The following LTBP2 variants were observed in gnomAD, a reference collection of about 807,000 sequenced individuals.
LTBP2 encodes latent-transforming growth factor beta-binding protein 2.
In LTBP2, 103 loss-of-function variants were observed where a neutral mutation model predicts 210.6. That is an observed-to-expected ratio of 0.49 (90% CI 0.42 to 0.58). LTBP2 has a LOEUF of 0.58. LTBP2 is among the 20% of genes least tolerant of loss of function. The pLI, the probability that LTBP2 is intolerant of heterozygous loss-of-function variation, is 0.00. For synonymous variants in LTBP2, 1,007 were observed against 1,015.0 expected, an observed-to-expected ratio of 0.99 and a Z score of 0.15; for missense variants, 2,313 against 2,494.5, an observed-to-expected ratio of 0.93 and a Z score of 1.55.
intron 3 of LTBP2, among the ~76,000 whole-genome samples, chr14:74,585,060 AAC>A (rs1168714092): frequency 2.0e-5 from 3 of 152,236 alleles, no homozygotes; most frequent in Non-Finnish European, 4.4e-5. Context: ...CGAAAAGGAA[AAC>A]ACAGTCCCCT....
In LTBP2 at chr14:74,525,138, G is replaced by A. The variant is rs745324166; in HGVS notation, c.2516C>T (p.Thr839Ile). The A allele has an allele frequency of 4.5e-6, 6 of 1,331,346 alleles. No homozygotes were observed. In the East Asian group the frequency reaches 1.1e-4, roughly 25 times the overall value. The allele number at this position is 1,331,346 out of a possible 1,614,324, so 82.5% of individuals were successfully genotyped here. The change falls in exon 15 of 36, where the codon ACC (threonine) becomes ATC (isoleucine). Residue 839 changes from threonine (T) to isoleucine (I), a missense_variant. Thr to Ile is a moderately conservative substitution (Grantham distance 89). Transcript: ENST00000261978. ...QVTPSTDVLV[T>I]LSTPGIDRCA... ...GCTGCAGCTACCTGGGGTGCTCAGGGTCACCAGCACATCAGTGGAGGGGGT... is the reference window on the plus strand; with the variant it reads ...GCTGCAGCTACCTGGGGTGCTCAGGATCACCAGCACATCAGTGGAGGGGGT...
Position 74,528,996 on chromosome 14 carries a change from C to T in LTBP2, c.2114G>A (p.Trp705Ter). Residue 705 changes from tryptophan to a stop codon, truncating the protein, a stop_gained, in exon 11 of 36, where the codon TGG (tryptophan) becomes TAG (stop). Transcript: ENST00000261978. LOFTEE classifies it high-confidence loss of function. ...ICCCSRVGKAWGSECEKCPLP... is the reference protein window; with the variant it reads ...ICCCSRVGKA ...AGGGCATTTCTCACACTCGCTGCCCCATGCTTTGCCCACGCGGCTGCAGCA... is the reference window on the plus strand; with the variant it reads ...AGGGCATTTCTCACACTCGCTGCCCTATGCTTTGCCCACGCGGCTGCAGCA... 6.2e-7 allele frequency: 1 copy of T among 1,609,074 alleles called. No individual in the cohort carries two copies. Among genetic ancestry groups the T allele is most frequent in the Non-Finnish European group, 8.5e-7 (1 of 1,178,166 alleles).
intron 3 of LTBP2, among the ~76,000 whole-genome samples, chr14:74,573,258 T>A (rs1566645162): frequency 1.3e-5 from 2 of 152,220 alleles, no homozygotes; most frequent in East Asian, 3.9e-4. Context: ...TTACCCTCAG[T>A]GTCCTCATTG....
In LTBP2 at chr14:74,551,213, G is replaced by T. The variant is rs1464942563; in HGVS notation, c.1537C>A (p.Pro513Thr). ...VENSVETRPPPWLPASPGHSL... is the reference protein window; with the variant it reads ...VENSVETRPPTWLPASPGHSL... ...TGGCCAGGGCTGGCAGGCAGCCAGG[G>T]CGGGGGTCTGGTCTCCACGCTGTTC... The change falls in exon 7 of 36, where the codon CCC becomes ACC. Residue 513 changes from proline to threonine, a missense_variant. By Grantham distance (38) the Pro-to-Thr change is conservative. Coordinates refer to ENST00000261978, the MANE Select transcript of LTBP2 (RefSeq NM_000428.3). 1.2e-6 allele frequency: 2 copies of T among 1,613,316 alleles called. No homozygotes were observed. Among genetic ancestry groups the T allele is most frequent in the African/African-American group, 2.7e-5 (2 of 74,912 alleles).
In LTBP2 at chr14:74,585,875, G is replaced by A. The variant is rs746212575; in HGVS notation, c.809C>T (p.Ala270Val). 3.1e-5 allele frequency: 50 copies of A among 1,613,232 alleles called. No homozygotes were observed. Among genetic ancestry groups the A allele is most frequent in the Non-Finnish European group, 4.2e-5 (49 of 1,179,284 alleles). ...AQPPAPQSPP[A>V]PQSPPAGTLS... ...TTACCCAGCTGGTGGCGACTGTGGT[G>A]CGGGCGGCGACTGTGGTGCTGGCGG... The change falls in exon 3 of 36, where the codon GCA (alanine) becomes GTA (valine). Residue 270 changes from alanine to valine, a missense_variant. Ala to Val is a moderately conservative substitution (Grantham distance 64). Transcript: ENST00000261978.
At chr14:74,579,528 G>A (rs1368358013) in intron 3 of LTBP2, among the ~76,000 whole-genome samples, 1 of 152,330 alleles carries the variant, frequency 6.6e-6, no homozygotes, top group East Asian at 1.9e-4. Flanking sequence ...GGCTCCTGTG[G>A]AGCCGTGGAG....
rs757089211 is a variant in LTBP2 at position 74,508,821 on chromosome 14, G to A, written c.3526+9C>T. ...CCCCACCCCCAGTAGGGTGACCTGG[G>A]TCACTCACCCTCACACACGGTGCCA... On this transcript the variant is annotated intron_variant, in intron 23 of 35. Transcript: ENST00000261978. 22 of 1,613,438 alleles carry A rather than the reference G, an allele frequency of 1.4e-5. No homozygotes were observed. Among genetic ancestry groups the A allele is most frequent in the Non-Finnish European group, 1.9e-5 (22 of 1,179,906 alleles).
At chr14:74,537,495 T>C (rs958597640) in intron 8 of LTBP2, among the ~76,000 whole-genome samples, 16 of 152,244 alleles carry the variant, frequency 1.1e-4, no homozygotes, top group Admixed American at 2.0e-4. Flanking sequence ...AGCTGCATGA[T>C]GGCTTCCTGT....
chr14:74,609,944 G>A (rs2088581479), intron 1 of LTBP2, among the ~76,000 whole-genome samples: 1 of 152,236 alleles, frequency 6.6e-6, no homozygotes, highest in Admixed American at 6.5e-5. Flanking sequence ...AAACACAGCA[G>A]GTGCTTTCCA....
rs1233857685 is a variant in LTBP2 at position 74,516,892 on chromosome 14, G to T, written c.2838C>A (p.Thr946=). The T allele has an allele frequency of 1.9e-6, 3 of 1,551,946 alleles. No homozygotes were observed. Among genetic ancestry groups the T allele is most frequent in the Non-Finnish European group, 2.6e-6 (3 of 1,147,126 alleles). ...CGCAGTGGTACGAGCCCTCGGTGTT[G>T]GTGCACTGCCCCCCGCTGCACACCC... ...QPGVCSGGQC[T]NTEGSYHCEC... The change falls in exon 18 of 36, where the codon ACC becomes ACA. Residue 946 remains threonine (T), a synonymous_variant. Transcript: ENST00000261978.
intron 3 of LTBP2, among the ~76,000 whole-genome samples, chr14:74,574,667 C>T (rs1317886584): frequency 6.6e-6 from 1 of 152,158 alleles, no homozygotes; most frequent in Admixed American, 6.5e-5. Context: ...GTGAATAGCT[C>T]GTATCTCAGA....
Position 74,528,564 on chromosome 14 carries a change from C to A in LTBP2, c.2287G>T (p.Ala763Ser). 2 of 1,613,240 alleles carry A rather than the reference C, an allele frequency of 1.2e-6. No homozygotes were observed. Among genetic ancestry groups the A allele is most frequent in the South Asian group, 2.2e-5 (2 of 91,064 alleles). The change falls in exon 12 of 36, where the codon GCA (alanine) becomes TCA (serine). Residue 763 changes from alanine (A) to serine (S), a missense_variant. Ala to Ser is a moderately conservative substitution (Grantham distance 99). This residue lies in a region of LTBP2 where 1,867 missense variants were observed against 1,976.9 expected (regional missense o/e 0.94). Coordinates refer to ENST00000261978, the MANE Select transcript of LTBP2 (RefSeq NM_000428.3). ...PREQGQRSSG[A>S]LPGPAERQPL... ...TGCCTCTCTGCTGGCCCGGGCAGTG[C>A]CCCGCTGCTCCTCTGCCCTTGCTCC...
intron 34 of LTBP2, chr14:74,501,877 T>C (rs2086915136): frequency 3.9e-6 from 2 of 508,502 alleles, no homozygotes; most frequent in Non-Finnish European, 7.1e-6. Flanking sequence ...CTGCTGGGGT[T>C]TGGGTGGTCG....
Position 74,503,499 on chromosome 14 carries a change from G to T in LTBP2, c.4690C>A (p.Gln1564Lys), listed in dbSNP as rs775570959. The change falls in exon 32 of 36, where the codon CAG (glutamine) becomes AAG (lysine). Residue 1564 changes from glutamine to lysine, a missense_variant. Around this residue, in one of 3 missense-constraint regions of LTBP2, gnomAD observed 443 missense variants for 501.4 expected, o/e 0.88. Transcript: ENST00000261978. ...SPPLTLDLSQ[Q>K]RCMNSTSSTE... ...CTGCTGGTGCTGTTCATGCAGCGCT[G>T]CTGGCTGAGGTCCAGGGTGAGCGGG... The T allele has an allele frequency of 1.1e-5, 18 of 1,612,730 alleles. No individual in the cohort carries two copies. In the East Asian group the frequency reaches 4.0e-4, roughly 36 times the overall value.
chr14:74,598,476 C>G (rs1327811779), intron 2 of LTBP2, among the ~76,000 whole-genome samples: 1 of 152,214 alleles, frequency 6.6e-6, no homozygotes, highest in African/African-American at 2.4e-5. Flanking sequence ...CTGTATTATT[C>G]AGTATACACT....
intron 2 of LTBP2, among the ~76,000 whole-genome samples, chr14:74,589,911 A>G (rs935964397): frequency 6.6e-6 from 1 of 152,076 alleles, no homozygotes; most frequent in Non-Finnish European, 1.5e-5. Flanking sequence ...TCCACCTCTG[A>G]GTGTGTGGTC....
chr14:74,607,856 A>G (rs1277182585), intron 1 of LTBP2, among the ~76,000 whole-genome samples: 2 of 152,222 alleles, frequency 1.3e-5, no homozygotes, highest in African/African-American at 4.8e-5. Flanking sequence ...GGAAATTTCA[A>G]CTAAAAAACT....
intron 2 of LTBP2, among the ~76,000 whole-genome samples, chr14:74,588,580 T>G (rs1391113688): frequency 6.6e-6 from 1 of 152,184 alleles, no homozygotes; most frequent in South Asian, 2.1e-4. Context: ...GTCAGCCCCT[T>G]GAAGTGTAGT....
In LTBP2 at chr14:74,505,028, C is replaced by T. The variant is rs140583454; in HGVS notation, c.4324G>A (p.Ala1442Thr). The change falls in exon 29 of 36, where the codon GCT becomes ACT. Residue 1442 changes from alanine to threonine, a missense_variant. Transcript: ENST00000261978. ...TQAECCCTQG[A>T]SWGDACDLCP... ...AGGTCACAGGCATCTCCCCAGCTAG[C>T]GCCCTGGGTGCAGCAGCATTCAGCC... 6.3e-5 allele frequency: 101 copies of T among 1,614,068 alleles called. No homozygotes were observed. The highest frequency in any genetic ancestry group is 7.6e-5 in the Non-Finnish European group (90 of 1,180,048).
Sources: gnomAD v4.1 joint callset for allele counts (sites outside exome capture counted in the v4.1 genomes callset) on GRCh38, gnomAD v4.1.1 for gene constraint, gnomAD v4.1.1 regional missense constraint, MANE v1.5 for transcripts, NCBI Gene and HGNC (gene_info 2026-07-23, HGNC 2026-07-21) for gene names.